Variants in NHSL2 observed in about 807,000 individuals in gnomAD.
NHSL2 encodes the protein NHS-like protein 2.
In NHSL2, 27 loss-of-function variants were observed where a neutral mutation model predicts 53.4. That is an observed-to-expected ratio of 0.51 (90% CI 0.37 to 0.70). The LOEUF (loss-of-function observed/expected upper bound fraction) is 0.70. Among genes scored for constraint, NHSL2 ranks in the 30% least tolerant of loss-of-function variants. The pLI is 0.00. For missense variants in NHSL2, 892 were observed against 980.1 expected, an observed-to-expected ratio of 0.91 and a Z score of 1.20; for synonymous variants, 408 against 404.1, an observed-to-expected ratio of 1.01 and a Z score of -0.12.
intron 1 of NHSL2, among the ~76,000 whole-genome samples, chrX:71,991,428 G>A (rs2042026497): frequency 8.9e-6 from 1 of 112,835 alleles, no homozygotes; most frequent in Non-Finnish European, 1.9e-5. Context: ...CTTTGCTTAA[G>A]TGATTCCCAG....
chrX:72,030,413 CT>C (rs1182130600), intron 1 of NHSL2, among the ~76,000 whole-genome samples: 1 of 111,940 alleles, frequency 8.9e-6, no homozygotes, highest in Non-Finnish European at 1.9e-5. Flanking sequence ...TCTGGGAGTT[CT>C]TTTTTACTGA....
chrX:72,046,337 A>G (rs754734062), intron 1 of NHSL2, among the ~76,000 whole-genome samples: 2 of 112,092 alleles, frequency 1.8e-5, no homozygotes, highest in East Asian at 5.6e-4. Flanking sequence ...AGCTCCATAT[A>G]CTGAGTAGAG....
At chrX:72,058,315 C>T (rs1240574254) in intron 1 of NHSL2, among the ~76,000 whole-genome samples, 1 of 112,009 alleles carries the variant, frequency 8.9e-6, no homozygotes, top group Non-Finnish European at 1.9e-5. Context: ...GCACCAGGGG[C>T]TTGACAGCTT....
intron 2 of NHSL2, among the ~76,000 whole-genome samples, chrX:72,132,747 C>G (rs910582021): frequency 2.7e-5 from 3 of 111,803 alleles, no homozygotes; most frequent in Non-Finnish European, 5.7e-5. Flanking sequence ...TTTGTCCCCC[C>G]TAACCAAGCC....
At chrX:72,084,885 G>T (rs939405846) in intron 1 of NHSL2, among the ~76,000 whole-genome samples, 6 of 111,547 alleles carry the variant, frequency 5.4e-5, no homozygotes, top group South Asian at 3.8e-4. Flanking sequence ...CCAGTCACCG[G>T]GCTTACAGGC....
intron 1 of NHSL2, chrX:72,069,496 A>G (rs1466140903): frequency 1.7e-5 from 2 of 119,994 alleles, no homozygotes; most frequent in East Asian, 5.6e-4. Context: ...TCAGATCTGT[A>G]CAATTCTGTG....
chrX:71,913,011 G>C (rs2041611759), intron 1 of NHSL2, among the ~76,000 whole-genome samples: 1 of 111,921 alleles, frequency 8.9e-6, no homozygotes, highest in Middle Eastern at 4.6e-3. Context: ...GCAATGGATA[G>C]CTTGCAATGG....
At chrX:71,988,949 G>A (rs1294734734) in intron 1 of NHSL2, among the ~76,000 whole-genome samples, 1 of 112,008 alleles carries the variant, frequency 8.9e-6, no homozygotes, top group African/African-American at 3.2e-5. Context: ...TAGCACCATT[G>A]TCTAACTCAT....
rs1417209161 is a variant in NHSL2, at chrX:72,144,475, A to G, written c.*901A>G. 3.1e-6 allele frequency: 3 copies of G among 972,935 alleles called. No homozygotes were observed. Among genetic ancestry groups the G allele is most frequent in the Non-Finnish European group, 4.1e-6 (3 of 731,510 alleles). The allele number at this position is 972,935 out of a possible 1,213,427, so 80.2% of individuals were successfully genotyped here. On this transcript the variant is annotated 3_prime_UTR_variant, in exon 8 of 8. Coordinates refer to ENST00000633930, the MANE Select transcript of NHSL2 (RefSeq NM_001013627.3). ...GAACTCTCATTTCATTTGCATATAA[A>G]ATTCATTACAGGAAGTAATTAACTG... is the stretch of plus-strand genomic sequence containing the variant.
At chrX:72,101,329 A>G (rs1284251288) in intron 1 of NHSL2, among the ~76,000 whole-genome samples, 1 of 110,548 alleles carries the variant, frequency 9.0e-6, no homozygotes, top group African/African-American at 3.3e-5. Context: ...TGTCGGCAGA[A>G]TGGGAGGAGG....
chrX:72,030,612 C>A (rs1046882452), intron 1 of NHSL2, among the ~76,000 whole-genome samples: 1 of 111,608 alleles, frequency 9.0e-6, no homozygotes, highest in Non-Finnish European at 1.9e-5. Context: ...TATTTACACG[C>A]ACCAAGTGCT....
At chrX:72,129,815 C>T in intron 1 of NHSL2, 1 of 1,178,909 alleles carries the variant, frequency 8.5e-7, no homozygotes, top group Non-Finnish European at 1.1e-6. Context: ...TCTGGGTGGC[C>T]ATCTGGCCCC....
intron 1 of NHSL2, among the ~76,000 whole-genome samples, chrX:71,916,118 C>T (rs1468007203): frequency 9.0e-6 from 1 of 111,674 alleles, no homozygotes; most frequent in Non-Finnish European, 1.9e-5. Flanking sequence ...TGCAATCCCT[C>T]CTGATCCCTC....
intron 1 of NHSL2, among the ~76,000 whole-genome samples, chrX:71,984,257 A>T (rs908250258): frequency 1.4e-4 from 16 of 112,010 alleles, no homozygotes; most frequent in Non-Finnish European, 3.0e-4. Flanking sequence ...GTTCTGACAA[A>T]AGGTGATATC....
intron 6 of NHSL2, 21 bp downstream of exon 6, chrX:72,140,792 C>CT: frequency 8.9e-7 from 1 of 1,127,607 alleles, no homozygotes; most frequent in Non-Finnish European, 1.2e-6. Context: ...TGTCTGCTGG[C>CT]TTTTTCCTTC....
intron 1 of NHSL2, among the ~76,000 whole-genome samples, chrX:72,104,418 C>G (rs2042021790): frequency 8.9e-6 from 1 of 112,147 alleles, no homozygotes; most frequent in African/African-American, 3.2e-5. Flanking sequence ...TCATTAGGCT[C>G]CTGATGGAGT....
chrX:72,043,599 G>T (rs2042288209), intron 1 of NHSL2, among the ~76,000 whole-genome samples: 1 of 111,398 alleles, frequency 9.0e-6, no homozygotes, highest in South Asian at 3.8e-4. Flanking sequence ...ATGATACTTT[G>T]CTCCCTCAGA....
chrX:72,108,666 A>G (rs1477884385), intron 1 of NHSL2, among the ~76,000 whole-genome samples: 1 of 112,597 alleles, frequency 8.9e-6, no homozygotes, highest in Non-Finnish European at 1.9e-5. Context: ...ACATTTCTCC[A>G]GTGAGCATCT....
At chrX:72,075,858 A>T (rs768736661) in intron 1 of NHSL2, among the ~76,000 whole-genome samples, 7 of 108,081 alleles carry the variant, frequency 6.5e-5, no homozygotes, top group Non-Finnish European at 1.2e-4. Flanking sequence ...GGGGTTCTCA[A>T]TGAGGCGGTG....
Sources: gnomAD v4.1 joint callset for allele counts (sites outside exome capture counted in the v4.1 genomes callset) on GRCh38, gnomAD v4.1.1 for gene constraint, MANE v1.5 for transcripts, NCBI Gene and HGNC (gene_info 2026-07-23, HGNC 2026-07-21) for gene names.